AKAP13: variants seen among roughly 807,000 people sequenced by gnomAD.
The protein encoded by AKAP13 is A-kinase anchor protein 13.
AKAP13 carries 80 observed loss-of-function variants against 264.5 expected under a neutral mutation model. That is an observed-to-expected ratio of 0.30 (90% CI 0.25 to 0.36). The LOEUF is 0.36. Ranked by LOEUF, AKAP13 falls within the 10% of genes least tolerant of loss-of-function variation. The pLI is 1.00. For missense variants in AKAP13, 3,712 were observed against 3,435.2 expected, an observed-to-expected ratio of 1.08 and a Z score of -2.01; for synonymous variants, 1,380 against 1,250.2, an observed-to-expected ratio of 1.10 and a Z score of -2.19.
intron 1 of AKAP13, among the ~76,000 whole-genome samples, chr15:85,467,710 C>T (rs2074800511): frequency 6.6e-6 from 1 of 152,206 alleles, no homozygotes; most frequent in Admixed American, 6.5e-5. Flanking sequence ...ATCTGCAGTA[C>T]CGAACACAAT....
At position 85,687,435 on chromosome 15, in the gene AKAP13, T is replaced by C. The variant is rs189301413; in HGVS notation, c.5289+2562T>C. On this transcript the variant is annotated intron_variant, in intron 16 of 36. Coordinates refer to ENST00000394518, the MANE Select transcript of AKAP13 (RefSeq NM_007200.5). ...AATCTGTGATCACTGGTAGAAACTT[T>C]TAGTATCAGTTGACCTCTTGTCTCT... Among the ~76,000 whole-genome samples the C allele has an allele frequency of 1.3e-3, 204 of 152,298 alleles. 1 individual carries two copies. The highest frequency in any genetic ancestry group is 0.01 in the Middle Eastern group (3 of 294).
At chr15:85,682,267 T>A (rs1410077312) in intron 15 of AKAP13, 55 bp downstream of exon 15, 4 of 1,551,930 alleles carry the variant, frequency 2.6e-6, no homozygotes, top group Non-Finnish European at 3.5e-6. Flanking sequence ...AAATTTAAAA[T>A]CTCTTAGGCC....
At chr15:85,720,931 G>A (rs2151726344) in intron 23 of AKAP13, among the ~76,000 whole-genome samples, 1 of 152,340 alleles carries the variant, frequency 6.6e-6, no homozygotes, top group East Asian at 1.9e-4. Context: ...CAAATGCAGT[G>A]CGGTAAATGA....
At chr15:85,399,530 ATAAAAAAATAAAT>A (rs1567038715) in intron 1 of AKAP13, among the ~76,000 whole-genome samples, 43 of 127,850 alleles carry the variant, frequency 3.4e-4, no homozygotes, top group African/African-American at 9.3e-4. Flanking sequence ...AAATAAAAAA[ATAAAAAAATAAAT>A]AAATAAATAA....
chr15:85,543,481 CACTGTGTA>C (rs2077636611), intron 4 of AKAP13, among the ~76,000 whole-genome samples: 1 of 152,280 alleles, frequency 6.6e-6, no homozygotes, highest in African/African-American at 2.4e-5. Flanking sequence ...GTTGAACAAA[CACTGTGTA>C]TTAAGTCAGA....
chr15:85,502,047 A>T (rs1031872724), intron 2 of AKAP13, among the ~76,000 whole-genome samples: 3 of 152,152 alleles, frequency 2.0e-5, no homozygotes, highest in African/African-American at 7.2e-5. Context: ...GGTCACCAGG[A>T]GGGCTTATTA....
chr15:85,436,271 C>T (rs2073288500), intron 1 of AKAP13, among the ~76,000 whole-genome samples: 1 of 85,034 alleles, frequency 1.2e-5, no homozygotes, highest in Non-Finnish European at 2.3e-5. Flanking sequence ...AGCTAACTAT[C>T]CTAAATATAT....
At chr15:85,739,096 G>T (rs998698921) in intron 33 of AKAP13, among the ~76,000 whole-genome samples, 2 of 152,142 alleles carry the variant, frequency 1.3e-5, no homozygotes, top group Non-Finnish European at 2.9e-5. Flanking sequence ...TAGTCTTTGT[G>T]ATAGTTAACC....
chr15:85,644,714 A>T (rs1426312467), intron 9 of AKAP13, among the ~76,000 whole-genome samples: 3 of 142,398 alleles, frequency 2.1e-5, no homozygotes, highest in African/African-American at 7.7e-5. Flanking sequence ...AAAAAAAAAA[A>T]AATTAGCCAG....
At chr15:85,521,676 A>G (rs1290565590) in intron 3 of AKAP13, 101 bp downstream of exon 3, 4 of 1,300,144 alleles carry the variant, frequency 3.1e-6, no homozygotes, top group Non-Finnish European at 4.1e-6. Context: ...AAGTGTAGAC[A>G]GTATAAAAAA....
At chr15:85,413,890 G>C (rs901339457) in intron 1 of AKAP13, among the ~76,000 whole-genome samples, 1 of 151,998 alleles carries the variant, frequency 6.6e-6, no homozygotes, top group Non-Finnish European at 1.5e-5. Flanking sequence ...AAATTTATAT[G>C]AACAGCTTTA....
intron 10 of AKAP13, among the ~76,000 whole-genome samples, chr15:85,647,779 A>G (rs554155035): frequency 6.6e-6 from 1 of 152,158 alleles, no homozygotes; most frequent in East Asian, 1.9e-4. Context: ...CCCCATCTCT[A>G]CTAAAAATAG....
chr15:85,646,688 T>C (rs12898597), intron 10 of AKAP13, among the ~76,000 whole-genome samples: 31,324 of 152,110 alleles, frequency 0.21, 4,291 homozygotes, highest in Middle Eastern at 0.42. Flanking sequence ...TCCTGCTGAG[T>C]GTGGTCATAT....
intron 34 of AKAP13, among the ~76,000 whole-genome samples, chr15:85,740,754 C>G (rs1380656271): frequency 7.9e-6 from 1 of 127,350 alleles, no homozygotes; most frequent in Non-Finnish European, 1.7e-5. Flanking sequence ...CCCACCCACA[C>G]AGACACACAC....
At chr15:85,568,564 G>C (rs2078692765) in intron 5 of AKAP13, among the ~76,000 whole-genome samples, 1 of 152,190 alleles carries the variant, frequency 6.6e-6, no homozygotes, top group African/African-American at 2.4e-5. Context: ...CCCGGCAGAA[G>C]AGTTGCTGGT....
chr15:85,469,313 TAA>T (rs2074871630), intron 1 of AKAP13, among the ~76,000 whole-genome samples: 5 of 152,056 alleles, frequency 3.3e-5, no homozygotes, highest in African/African-American at 9.7e-5. Flanking sequence ...GAACTGCATA[TAA>T]TAGTGCCTTC....
intron 8 of AKAP13, among the ~76,000 whole-genome samples, chr15:85,592,842 A>G (rs1350496909): frequency 1.3e-5 from 2 of 152,226 alleles, no homozygotes; most frequent in Non-Finnish European, 2.9e-5. Context: ...GCAAAACTAT[A>G]AACTTAGTGT....
chr15:85,609,040 T>G (rs1464274435), intron 8 of AKAP13, among the ~76,000 whole-genome samples: 2 of 152,238 alleles, frequency 1.3e-5, no homozygotes, highest in Non-Finnish European at 2.9e-5. Context: ...TGTGATATTT[T>G]GGTACATGTA....
chr15:85,382,782 G>A (rs113808791), intron 1 of AKAP13, among the ~76,000 whole-genome samples: 3 of 152,238 alleles, frequency 2.0e-5, no homozygotes, highest in East Asian at 3.9e-4. Context: ...CCTCTTTGCC[G>A]GTAGTCTTAA....
Sources: allele counts gnomAD v4.1 joint callset (sites outside exome capture counted in the v4.1 genomes callset), GRCh38; gene constraint gnomAD v4.1.1; transcripts MANE v1.5; gene names NCBI Gene and HGNC (gene_info 2026-07-23, HGNC 2026-07-21).